The following ARL15 variants were observed in gnomAD, a reference collection of about 807,000 sequenced individuals.
ARL15 encodes ADP-ribosylation factor-like protein 15.
In ARL15, 19 loss-of-function variants were observed where a neutral mutation model predicts 25.2. That is an observed-to-expected ratio of 0.75 (90% CI 0.53 to 1.10). The LOEUF (loss-of-function observed/expected upper bound fraction) is 1.10. ARL15 is among the 50% of genes least tolerant of loss of function. ARL15 has a pLI of 0.00. For synonymous variants in ARL15, 94 were observed against 86.8 expected, an observed-to-expected ratio of 1.08 and a Z score of -0.46; for missense variants, 220 against 246.0, an observed-to-expected ratio of 0.89 and a Z score of 0.71.
rs967211443 is a variant in ARL15 at position 53,884,962 on chromosome 5, T to G, written c.*1599A>C. ...ACGAATCACTATGTATCCTTCCTGA[T>G]TCATGACATTAAAAAAAAAAAGCTT... On this transcript the variant is annotated 3_prime_UTR_variant, in exon 5 of 5. Coordinates refer to ENST00000504924, the MANE Select transcript of ARL15 (RefSeq NM_019087.3). 2 of 152,442 alleles carry G rather than the reference T, an allele frequency of 1.3e-5. No individual in the cohort carries two copies. The highest frequency in any genetic ancestry group is 2.4e-5 in the African/African-American group (1 of 41,356). 9.4% of individuals were successfully genotyped at this position (152,442 alleles called of 1,614,324 possible).
intron 4 of ARL15, among the ~76,000 whole-genome samples, chr5:54,068,882 G>C (rs375392440): frequency 6.6e-6 from 1 of 152,150 alleles, no homozygotes; most frequent in East Asian, 1.9e-4. Flanking sequence ...GCTCAGCTCT[G>C]CCATTTCCTA....
At chr5:53,923,031 T>A (rs1257623543) in intron 4 of ARL15, among the ~76,000 whole-genome samples, 2 of 152,182 alleles carry the variant, frequency 1.3e-5, no homozygotes, top group African/African-American at 4.8e-5. Context: ...ATTTTGATGA[T>A]TAATTTTTAA....
At chr5:53,969,415 G>A (rs945745020) in intron 4 of ARL15, among the ~76,000 whole-genome samples, 1 of 152,106 alleles carries the variant, frequency 6.6e-6, no homozygotes, top group African/African-American at 2.4e-5. Flanking sequence ...GTGGTGTTCT[G>A]TGCAGTTAGT....
intron 4 of ARL15, among the ~76,000 whole-genome samples, chr5:54,064,876 T>A (rs1007814859): frequency 6.6e-6 from 1 of 152,216 alleles, no homozygotes; most frequent in African/African-American, 2.4e-5. Flanking sequence ...CCCACATTTA[T>A]GGATAGCCAA....
intron 4 of ARL15, among the ~76,000 whole-genome samples, chr5:53,931,731 C>T (rs187259543): frequency 7.3e-4 from 111 of 152,270 alleles, no homozygotes; most frequent in Non-Finnish European, 1.2e-3. Flanking sequence ...CAACTAAAAC[C>T]AAACACAATG....
chr5:53,969,782 C>T (rs1747677000), intron 4 of ARL15, among the ~76,000 whole-genome samples: 1 of 151,954 alleles, frequency 6.6e-6, no homozygotes, highest in South Asian at 2.1e-4. Flanking sequence ...GTTACAAAAA[C>T]TTTCTTTGTT....
At chr5:54,269,008 G>A (rs1209566301) in intron 1 of ARL15, among the ~76,000 whole-genome samples, 1 of 151,848 alleles carries the variant, frequency 6.6e-6, no homozygotes, top group African/African-American at 2.4e-5. Context: ...ACTCATAGGT[G>A]GGAATTGAAC....
At chr5:54,106,958 C>T (rs1450838849) in intron 4 of ARL15, among the ~76,000 whole-genome samples, 1 of 152,102 alleles carries the variant, frequency 6.6e-6, no homozygotes, top group African/African-American at 2.4e-5. Context: ...AATACATCAT[C>T]TTGAGGGGGT....
At chr5:53,942,572 C>A (rs1746573672) in intron 4 of ARL15, among the ~76,000 whole-genome samples, 1 of 152,200 alleles carries the variant, frequency 6.6e-6, no homozygotes, top group Non-Finnish European at 1.5e-5. Context: ...ATGGTGAAAC[C>A]CCGTCTCTAC....
At chr5:54,263,593 C>T (rs1332168924) in intron 1 of ARL15, among the ~76,000 whole-genome samples, 1 of 152,072 alleles carries the variant, frequency 6.6e-6, no homozygotes, top group East Asian at 1.9e-4. Context: ...TGGAGCAAGC[C>T]ATCTAATGAA....
At chr5:53,953,126 A>C (rs188936895) in intron 4 of ARL15, among the ~76,000 whole-genome samples, 1 of 152,322 alleles carries the variant, frequency 6.6e-6, no homozygotes, top group East Asian at 1.9e-4. Flanking sequence ...GCTGAACTAG[A>C]CCATTACTAA....
chr5:53,982,239 G>T (rs1463406067), intron 4 of ARL15, among the ~76,000 whole-genome samples: 1 of 150,868 alleles, frequency 6.6e-6, no homozygotes, highest in Non-Finnish European at 1.5e-5. Context: ...AGAAGGTGCA[G>T]GTTTGTTACA....
intron 4 of ARL15, among the ~76,000 whole-genome samples, chr5:53,888,446 A>G (rs1440654672): frequency 6.6e-6 from 1 of 151,942 alleles, no homozygotes; most frequent in Non-Finnish European, 1.5e-5. Context: ...ACAACTGGCT[A>G]ATTTTTAAAA....
intron 1 of ARL15, among the ~76,000 whole-genome samples, chr5:54,262,510 C>A (rs1393491520): frequency 6.6e-6 from 1 of 151,892 alleles, no homozygotes; most frequent in African/African-American, 2.4e-5. Context: ...ATGGATCAAA[C>A]TCCAGTTACC....
chr5:54,251,004 G>T (rs1229364053), intron 1 of ARL15, among the ~76,000 whole-genome samples: 1 of 152,088 alleles, frequency 6.6e-6, no homozygotes, highest in Non-Finnish European at 1.5e-5. Context: ...AACTTCAAAT[G>T]CTTTCAATCA....
chr5:54,005,556 T>TC (rs539546831), intron 4 of ARL15, among the ~76,000 whole-genome samples: 47 of 151,808 alleles, frequency 3.1e-4, no homozygotes, highest in African/African-American at 1.1e-3. Flanking sequence ...GTGGTGAAAC[T>TC]CCGTCTCTAC....
In ARL15 at chr5:54,206,283, A is replaced by C. The variant is rs142289135; in HGVS notation, c.49-34355T>G. Among the ~76,000 whole-genome samples, 666 of 152,302 alleles carry C rather than the reference A, an allele frequency of 4.4e-3. 3 individuals carry two copies. The highest frequency in any genetic ancestry group is 7.5e-3 in the Non-Finnish European group (510 of 68,030). On this transcript the variant is annotated intron_variant, in intron 1 of 4. Transcript: ENST00000504924. The stretch of plus-strand genomic sequence containing the variant: ...CCTTCTGAGTTTGTACTCTTCATTC[A>C]TTCAACCCATATTGACTGAGTGCCC...
chr5:54,012,416 C>T (rs1749274136), intron 4 of ARL15, among the ~76,000 whole-genome samples: 1 of 152,144 alleles, frequency 6.6e-6, no homozygotes, highest in Non-Finnish European at 1.5e-5. Context: ...CTAAAGACAA[C>T]AATTTAGTTT....
chr5:54,175,004 C>G (rs527491472), intron 1 of ARL15, among the ~76,000 whole-genome samples: 1 of 152,338 alleles, frequency 6.6e-6, no homozygotes, highest in Admixed American at 6.5e-5. Context: ...GCCAGAATTC[C>G]TCTGGACTAT....
Sources: allele counts gnomAD v4.1 joint callset (sites outside exome capture counted in the v4.1 genomes callset), GRCh38; gene constraint gnomAD v4.1.1; transcripts MANE v1.5; gene names NCBI Gene and HGNC (gene_info 2026-07-23, HGNC 2026-07-21).